Variants in SGCZ observed in about 807,000 individuals in gnomAD.
SGCZ encodes the protein sarcoglycan zeta.
Under a neutral mutation model 41.3 loss-of-function variants are expected in SGCZ, and 40 were observed. That is an observed-to-expected ratio of 0.97 (90% CI 0.75 to 1.26). The LOEUF (loss-of-function observed/expected upper bound fraction) is 1.26, where lower values mean the gene tolerates loss of function less well. Among genes scored for constraint, SGCZ ranks in the 50% most tolerant of loss-of-function variants. SGCZ has a pLI of 0.00. For synonymous variants in SGCZ, 206 were observed against 137.5 expected, an observed-to-expected ratio of 1.50 and a Z score of -3.49; for missense variants, 552 against 369.8, an observed-to-expected ratio of 1.49 and a Z score of -4.04.
intron 5 of SGCZ, among the ~76,000 whole-genome samples, chr8:14,109,269 C>G (rs535190267): frequency 5.3e-5 from 8 of 152,300 alleles, no homozygotes; most frequent in Admixed American, 1.3e-4. Flanking sequence ...TCTCAACTTT[C>G]ATTTACTGAA....
chr8:14,492,341 C>T (rs766929355), intron 2 of SGCZ, among the ~76,000 whole-genome samples: 4 of 152,222 alleles, frequency 2.6e-5, no homozygotes, highest in Non-Finnish European at 4.4e-5. Context: ...AATTATGTTT[C>T]TTTGTGTATT....
intron 3 of SGCZ, among the ~76,000 whole-genome samples, chr8:14,244,468 C>A (rs13269611): frequency 0.25 from 37,896 of 152,056 alleles, 6,085 homozygotes; most frequent in Non-Finnish European, 0.36. Context: ...TAAAAAGTAC[C>A]AGTACCATGC....
At chr8:15,106,837 T>G (rs140689177) in intron 1 of SGCZ, among the ~76,000 whole-genome samples, 39 of 152,294 alleles carry the variant, frequency 2.6e-4, no homozygotes, top group African/African-American at 9.1e-4. Flanking sequence ...GTTTCACAAC[T>G]AATCATGACT....
intron 1 of SGCZ, among the ~76,000 whole-genome samples, chr8:14,966,420 T>C (rs1175343390): frequency 6.6e-6 from 1 of 151,866 alleles, no homozygotes; most frequent in Non-Finnish European, 1.5e-5. Context: ...ATAAAATATC[T>C]AAAAATATAT....
chr8:14,691,972 G>A (rs540725291), intron 1 of SGCZ, among the ~76,000 whole-genome samples: 285 of 151,764 alleles, frequency 1.9e-3, no homozygotes, highest in Middle Eastern at 3.6e-3. Flanking sequence ...TAATTGATAC[G>A]TGAAATATTA....
chr8:14,159,152 G>A (rs1803966997), intron 5 of SGCZ, among the ~76,000 whole-genome samples: 1 of 151,980 alleles, frequency 6.6e-6, no homozygotes, highest in Non-Finnish European at 1.5e-5. Context: ...GAGATTTTGT[G>A]GGTCTAAGAC....
In SGCZ at chr8:14,298,719, A is replaced by G. The variant is rs74838262; in HGVS notation, c.336+25384T>C. On this transcript the variant is annotated intron_variant, in intron 3 of 7. Transcript: ENST00000382080. ...TTACATGGATAAATGTAATATGTCA[A>G]TGTATTGGATGACAAAATATCATTA... is the stretch of plus-strand genomic sequence containing the variant. 6.9e-3 allele frequency among the ~76,000 whole-genome samples: 1,052 copies of G among 152,176 alleles called. 13 individuals carry two copies. The highest frequency in any genetic ancestry group is 0.024 in the African/African-American group (995 of 41,558).
At chr8:14,673,867 TA>T (rs1249022819) in intron 1 of SGCZ, among the ~76,000 whole-genome samples, 3 of 152,202 alleles carry the variant, frequency 2.0e-5, no homozygotes, top group Non-Finnish European at 4.4e-5. Flanking sequence ...ACAAAGTTTA[TA>T]AAAATGTATG....
chr8:15,233,376 G>C (rs912420254), intron 1 of SGCZ, among the ~76,000 whole-genome samples: 1 of 149,024 alleles, frequency 6.7e-6, no homozygotes, highest in Non-Finnish European at 1.5e-5. Context: ...ATTCTTTTAA[G>C]TGCCAACTCT....
At chr8:14,957,743 A>T (rs1227723255) in intron 1 of SGCZ, among the ~76,000 whole-genome samples, 1 of 152,044 alleles carries the variant, frequency 6.6e-6, no homozygotes, top group East Asian at 1.9e-4. Context: ...ACGTATTGTG[A>T]ATATACATTC....
intron 2 of SGCZ, among the ~76,000 whole-genome samples, chr8:14,550,008 G>A (rs1040171321): frequency 2.6e-5 from 4 of 152,112 alleles, no homozygotes; most frequent in Admixed American, 6.6e-5. Context: ...GGCATTAAAG[G>A]TTAAGATTCC....
At chr8:14,982,780 A>C (rs964656744) in intron 1 of SGCZ, among the ~76,000 whole-genome samples, 10 of 152,306 alleles carry the variant, frequency 6.6e-5, no homozygotes, top group Admixed American at 1.3e-4. Flanking sequence ...GATATAATTC[A>C]GGGGTGGGTG....
intron 2 of SGCZ, among the ~76,000 whole-genome samples, chr8:14,502,474 C>A (rs1309431490): frequency 6.6e-6 from 1 of 151,984 alleles, no homozygotes; most frequent in Non-Finnish European, 1.5e-5. Flanking sequence ...GTTTGGAATA[C>A]AAACAATATA....
chr8:14,967,879 C>T (rs1262744613), intron 1 of SGCZ, among the ~76,000 whole-genome samples: 2 of 152,104 alleles, frequency 1.3e-5, no homozygotes, highest in Non-Finnish European at 2.9e-5. Flanking sequence ...TGAGCATCCC[C>T]GAGGTGAACA....
At chr8:14,180,990 G>T (rs1004071987) in intron 4 of SGCZ, among the ~76,000 whole-genome samples, 1 of 152,088 alleles carries the variant, frequency 6.6e-6, no homozygotes, top group Admixed American at 6.6e-5. Flanking sequence ...ACCAATACCT[G>T]TAGAGCAGTC....
chr8:14,131,165 A>C (rs1803028816), intron 5 of SGCZ, among the ~76,000 whole-genome samples: 1 of 152,146 alleles, frequency 6.6e-6, no homozygotes, highest in Non-Finnish European at 1.5e-5. Flanking sequence ...GGAATGAAGC[A>C]ACGAATCTCT....
chr8:14,113,000 C>G lies in SGCZ; in HGVS notation c.548-4765G>C, dbSNP rs552396698. On this transcript the variant is annotated intron_variant, in intron 5 of 7. Coordinates refer to ENST00000382080, the MANE Select transcript of SGCZ (RefSeq NM_139167.4). The stretch of plus-strand genomic sequence containing the variant: ...GAATACTGAAAAATTTATTACCTCT[C>G]GAAAGAAGAAATGTCAACCTATTTC... 5.3e-5 allele frequency among the ~76,000 whole-genome samples: 8 copies of G among 152,128 alleles called. No individual in the cohort carries two copies. In the South Asian group the frequency reaches 1.7e-3, roughly 32 times the overall value.
chr8:14,491,098 T>C (rs917726604), intron 2 of SGCZ, among the ~76,000 whole-genome samples: 2 of 151,024 alleles, frequency 1.3e-5, no homozygotes, highest in African/African-American at 4.9e-5. Flanking sequence ...AGTATTAAAT[T>C]TAATTGAGAT....
intron 2 of SGCZ, among the ~76,000 whole-genome samples, chr8:14,472,362 C>T (rs550958350): frequency 6.6e-6 from 1 of 152,094 alleles, no homozygotes; most frequent in Admixed American, 6.5e-5. Flanking sequence ...GGTATTTACC[C>T]AATCAATACC....
Sources: allele counts gnomAD v4.1 joint callset (sites outside exome capture counted in the v4.1 genomes callset), GRCh38; gene constraint gnomAD v4.1.1; transcripts MANE v1.5; gene names NCBI Gene and HGNC (gene_info 2026-07-23, HGNC 2026-07-21).